Variants in SHOC2 observed in about 807,000 individuals in gnomAD.
The protein encoded by SHOC2 is SHOC2 leucine rich repeat scaffold protein.
A neutral mutation model predicts 50.2 loss-of-function variants in SHOC2; 4 were observed. That is an observed-to-expected ratio of 0.08 (90% CI 0.04 to 0.18). SHOC2 has a LOEUF of 0.18. Ranked by LOEUF, SHOC2 falls within the 10% of genes least tolerant of loss-of-function variation. The probability of loss-of-function intolerance (pLI) is 1.00; values close to 1 mark genes in which losing one functional copy is unlikely to be tolerated. For synonymous variants in SHOC2, 218 were observed against 244.5 expected (o/e 0.89, Z 1.01); for missense variants, 388 against 669.6 (o/e 0.58, Z 4.64).
At position 111,009,240 on chromosome 10, in the gene SHOC2, C is replaced by G; in HGVS notation, c.1285-8C>G. 1.3e-6 allele frequency: 2 copies of G among 1,524,506 alleles called. No individual in the cohort carries two copies. The highest frequency in any genetic ancestry group is 1.1e-5 in the South Asian group (1 of 88,252). 94.4% of individuals were successfully genotyped at this position (1,524,506 alleles called of 1,614,324 possible). On this transcript the variant is annotated splice_polypyrimidine_tract_variant and splice_region_variant and intron_variant, in intron 6 of 8. Transcript: ENST00000369452. ...ATTTCCTAAACATTATCAATAATTT[C>G]TCATTAGGTTCTTATCTTATCAAAC...
At chr10:110,996,778 A>G (rs1254462917) in intron 3 of SHOC2, among the ~76,000 whole-genome samples, 3 of 152,218 alleles carry the variant, frequency 2.0e-5, no homozygotes, top group Non-Finnish European at 2.9e-5. Flanking sequence ...CATCAAATAC[A>G]TATTACCAGT....
chr10:110,921,396 AG>A (rs1846647570), intron 1 of SHOC2, among the ~76,000 whole-genome samples: 1 of 152,246 alleles, frequency 6.6e-6, no homozygotes, highest in Non-Finnish European at 1.5e-5. Context: ...ACTGAATAAA[AG>A]TTTTGTCTAA....
chr10:110,959,812 T>C (rs1014840952), intron 1 of SHOC2, among the ~76,000 whole-genome samples: 2 of 152,242 alleles, frequency 1.3e-5, no homozygotes, highest in African/African-American at 4.8e-5. Context: ...ATTTTCTGCC[T>C]TCCTTCTGAA....
chr10:110,980,618 G>A (rs935089450), intron 2 of SHOC2, among the ~76,000 whole-genome samples: 7 of 152,232 alleles, frequency 4.6e-5, no homozygotes, highest in Non-Finnish European at 8.8e-5. Context: ...TTTTAGAACA[G>A]TACTCTGATT....
At chr10:111,002,192 T>TC (rs1453208322) in intron 4 of SHOC2, among the ~76,000 whole-genome samples, 30 of 152,198 alleles carry the variant, frequency 2.0e-4, no homozygotes, top group Admixed American at 2.0e-3. Flanking sequence ...TGAGCCTCAC[T>TC]CCCAGTCCCA....
chr10:110,927,619 A>T (rs147537757), intron 1 of SHOC2, among the ~76,000 whole-genome samples: 1 of 152,340 alleles, frequency 6.6e-6, no homozygotes, highest in African/African-American at 2.4e-5. Flanking sequence ...AATGGCTGGT[A>T]GTGCTGCAGT....
intron 1 of SHOC2, among the ~76,000 whole-genome samples, chr10:110,920,702 T>C (rs1846621882): frequency 6.6e-6 from 1 of 152,226 alleles, no homozygotes; most frequent in South Asian, 2.1e-4. Flanking sequence ...TGTTGCTTTG[T>C]ATCGTAATGG....
intron 2 of SHOC2, among the ~76,000 whole-genome samples, chr10:110,981,880 G>T (rs1313104601): frequency 1.2e-3 from 4 of 3,402 alleles, no homozygotes; most frequent in South Asian, 6.8e-3. Flanking sequence ...ATTTTTTTAA[G>T]TTTTAGGGTA....
rs1164221311 is a variant in SHOC2 at position 111,011,678 on chromosome 10, C to T, written c.1609C>T (p.Leu537=). 2 of 1,613,904 alleles carry T rather than the reference C, an allele frequency of 1.2e-6. No homozygotes were observed. The highest frequency in any genetic ancestry group is 1.3e-5 in the African/African-American group (1 of 74,984). ...CAACCTGCATAGCCTTCCCTTTGAG[C>T]TGGCACTCTGCAGCAAGCTTTCAAT... is the stretch of plus-strand genomic sequence containing the variant. ...NPNLHSLPFE[L]ALCSKLSIMS... The change falls in exon 9 of 9, where the codon CTG becomes TTG. Residue 537 remains leucine, a synonymous_variant. Coordinates refer to ENST00000369452, the MANE Select transcript of SHOC2 (RefSeq NM_007373.4).
intron 4 of SHOC2, among the ~76,000 whole-genome samples, chr10:111,001,113 T>C (rs1165194979): frequency 6.6e-6 from 1 of 151,746 alleles, no homozygotes; most frequent in African/African-American, 2.4e-5. Context: ...TAGAAAAATA[T>C]TTTCACTTAT....
At chr10:111,001,052 G>A (rs184694304) in intron 4 of SHOC2, among the ~76,000 whole-genome samples, 29 of 110,360 alleles carry the variant, frequency 2.6e-4, no homozygotes, top group Admixed American at 1.3e-3. Context: ...TAGAACAATC[G>A]CCAGAATCTT....
chr10:110,942,182 A>G (rs1377651348), intron 1 of SHOC2, among the ~76,000 whole-genome samples: 1 of 152,214 alleles, frequency 6.6e-6, no homozygotes, highest in Non-Finnish European at 1.5e-5. Context: ...ATTTTATCAT[A>G]CAGTATTAAA....
intron 1 of SHOC2, 101 bp downstream of exon 1, chr10:110,919,758 C>T: frequency 7.6e-6 from 3 of 395,598 alleles, no homozygotes; most frequent in Non-Finnish European, 1.3e-5. Flanking sequence ...TAGGGGGAGG[C>T]CCCGTGCGCC....
intron 2 of SHOC2, among the ~76,000 whole-genome samples, chr10:110,980,528 T>C (rs936237839): frequency 3.9e-5 from 6 of 152,206 alleles, no homozygotes; most frequent in African/African-American, 1.4e-4. Flanking sequence ...GTGGGCTAAT[T>C]GCAGTAGCTT....
intron 2 of SHOC2, among the ~76,000 whole-genome samples, chr10:110,982,076 G>C (rs1474755661): frequency 7.2e-6 from 1 of 138,930 alleles, no homozygotes; most frequent in Non-Finnish European, 1.5e-5. Context: ...TCATTGTTCA[G>C]TTCCCACCTA....
intron 2 of SHOC2, among the ~76,000 whole-genome samples, 181 bp from the exon 3 acceptor site, chr10:110,985,447 T>G (rs1848059652): frequency 6.6e-6 from 1 of 152,026 alleles, no homozygotes; most frequent in Non-Finnish European, 1.5e-5. Context: ...TTTTATTTTC[T>G]GGCAATGCAA....
chr10:111,003,816 C>T (rs4309090), intron 4 of SHOC2, among the ~76,000 whole-genome samples: 115,012 of 152,108 alleles, frequency 0.76, 43,740 homozygotes, highest in Admixed American at 0.85. Flanking sequence ...TAGCAAGAGC[C>T]TATTATATAT....
rs953485111 is a variant in SHOC2 at position 111,013,509 on chromosome 10, T to C, written c.*1691T>C. The C allele has an allele frequency of 6.6e-6, 1 of 152,132 alleles. No homozygotes were observed. The allele number at this position is 152,132 out of a possible 1,614,324, so 9.4% of individuals were successfully genotyped here. On this transcript the variant is annotated 3_prime_UTR_variant, in exon 9 of 9. Transcript: ENST00000369452. ...AAGAAATGGAAGGCAGGTGAAGATA[T>C]AAAACCCTAGAATGCTTAAATGTGC... is the stretch of plus-strand genomic sequence containing the variant.
chr10:110,987,644 A>G (rs2134151924), intron 3 of SHOC2, among the ~76,000 whole-genome samples: 1 of 152,326 alleles, frequency 6.6e-6, no homozygotes, highest in South Asian at 2.1e-4. Flanking sequence ...TCAAGATAAT[A>G]AGGACCAAGC....
Sources: gnomAD v4.1 joint callset for allele counts (sites outside exome capture counted in the v4.1 genomes callset) on GRCh38, gnomAD v4.1.1 for gene constraint, MANE v1.5 for transcripts, NCBI Gene and HGNC (gene_info 2026-07-23, HGNC 2026-07-21) for gene names.